The following RPAP2 variants were observed in gnomAD, a reference collection of about 807,000 sequenced individuals.
The protein encoded by RPAP2 is putative RNA polymerase II subunit B1 CTD phosphatase RPAP2.
RPAP2 carries 52 observed loss-of-function variants against 73.1 expected under a neutral mutation model. The ratio of observed to expected loss-of-function variants is 0.71; its 90% CI spans 0.57 to 0.90. RPAP2 has a LOEUF of 0.90. RPAP2 is among the 40% of genes least tolerant of loss of function. The pLI is 0.00. For synonymous variants in RPAP2, 225 were observed against 242.1 expected, an observed-to-expected ratio of 0.93 and a Z score of 0.65; for missense variants, 598 against 701.8, an observed-to-expected ratio of 0.85 and a Z score of 1.67.
chr1:92,400,577 C>G lies in RPAP2; in HGVS notation c.*13566C>G, dbSNP rs1281193235. On this transcript the variant is annotated 3_prime_UTR_variant, in exon 13 of 13. Coordinates refer to ENST00000610020, the MANE Select transcript of RPAP2 (RefSeq NM_024813.3). ...ATGTTACTCCTTGCCTCAAGCAATC[C>G]TCTCACCTTGGCCTCCCAAAGTGCT... The G allele has an allele frequency of 6.6e-6, 1 of 152,212 alleles. No individual in the cohort carries two copies. The highest frequency in any genetic ancestry group is 2.4e-5 in the African/African-American group (1 of 41,448). The allele number at this position is 152,212 out of a possible 1,614,324, so 9.4% of individuals were successfully genotyped here.
chr1:92,322,802 AG>A (rs1437345343), intron 7 of RPAP2, among the ~76,000 whole-genome samples: 4 of 151,080 alleles, frequency 2.6e-5, no homozygotes, highest in Admixed American at 6.6e-5. Context: ...GCTTGAACCT[AG>A]GGGGCAGAGG....
At chr1:92,347,145 A>T (rs1653944823) in intron 11 of RPAP2, among the ~76,000 whole-genome samples, 2 of 152,242 alleles carry the variant, frequency 1.3e-5, no homozygotes, top group Admixed American at 1.3e-4. Context: ...CAGAACATAG[A>T]AAATAACTTT....
intron 8 of RPAP2, among the ~76,000 whole-genome samples, chr1:92,325,412 C>T (rs972992555): frequency 3.0e-4 from 45 of 152,036 alleles, no homozygotes; most frequent in African/African-American, 1.0e-3. Context: ...AGACATCATC[C>T]AAAACTTATA....
intron 11 of RPAP2, among the ~76,000 whole-genome samples, chr1:92,377,867 T>C (rs531516319): frequency 6.6e-6 from 1 of 152,348 alleles, no homozygotes; most frequent in Non-Finnish European, 1.5e-5. Context: ...CATTTTAGCC[T>C]TACAAGTTTT....
At chr1:92,378,172 T>G (rs1655471112) in intron 11 of RPAP2, among the ~76,000 whole-genome samples, 1 of 151,924 alleles carries the variant, frequency 6.6e-6, no homozygotes, top group African/African-American at 2.4e-5. Flanking sequence ...GTCAAATAAG[T>G]ACCACTTTAT....
chr1:92,331,876 C>T (rs945433203), intron 8 of RPAP2, among the ~76,000 whole-genome samples: 5 of 152,072 alleles, frequency 3.3e-5, no homozygotes, highest in African/African-American at 1.2e-4. Context: ...TTTACTTTCA[C>T]TTTTGAAAGA....
At position 92,299,255 on chromosome 1, in the gene RPAP2, G is replaced by A. The variant is rs1030948024; in HGVS notation, c.73+109G>A. 2.5e-5 allele frequency: 14 copies of A among 557,342 alleles called. No individual in the cohort carries two copies. The East Asian group carries it at 4.5e-4, about 18-fold the overall frequency. The allele number at this position is 557,342 out of a possible 1,614,324, so 34.5% of individuals were successfully genotyped here. A position where few individuals can be genotyped will look rare whatever the true frequency, so the allele number is the denominator to read the frequency against. On this transcript the variant is annotated intron_variant, in intron 1 of 12. Coordinates refer to ENST00000610020, the MANE Select transcript of RPAP2 (RefSeq NM_024813.3). ...CCTGAAAGGCTGCTTCAGGGGAGGG[G>A]TTCTCCCAGGTAGAGTAGGCCGAAA...
At chr1:92,378,726 C>T (rs372200118) in intron 11 of RPAP2, among the ~76,000 whole-genome samples, 3 of 152,176 alleles carry the variant, frequency 2.0e-5, no homozygotes, top group Non-Finnish European at 4.4e-5. Flanking sequence ...ATCTTCTCTA[C>T]AGGAAAATGC....
At chr1:92,354,890 A>T (rs537387215) in intron 11 of RPAP2, among the ~76,000 whole-genome samples, 5 of 147,682 alleles carry the variant, frequency 3.4e-5, no homozygotes, top group African/African-American at 1.2e-4. Context: ...AATTTATGTA[A>T]ATTATTATTA....
chr1:92,299,581 G>A (rs1166714254), intron 1 of RPAP2, among the ~76,000 whole-genome samples: 2 of 152,300 alleles, frequency 1.3e-5, no homozygotes, highest in East Asian at 1.9e-4. Context: ...CAGACGGAGA[G>A]AGGTTTCCCC....
chr1:92,326,371 G>GC (rs1652628607), intron 8 of RPAP2, among the ~76,000 whole-genome samples: 1 of 152,158 alleles, frequency 6.6e-6, no homozygotes, highest in African/African-American at 2.4e-5. Context: ...ATGGCAGGGG[G>GC]GTGAAATGGA....
At chr1:92,365,537 T>A (rs1654899732) in intron 11 of RPAP2, among the ~76,000 whole-genome samples, 1 of 152,188 alleles carries the variant, frequency 6.6e-6, no homozygotes, top group African/African-American at 2.4e-5. Context: ...TAGTGCACAT[T>A]GGTGTGCTAA....
rs916027564 is a variant in RPAP2 at position 92,388,036 on chromosome 1, C to G, written c.*1025C>G. On this transcript the variant is annotated 3_prime_UTR_variant, in exon 13 of 13. Coordinates refer to ENST00000610020, the MANE Select transcript of RPAP2 (RefSeq NM_024813.3). ...CTCATTTGATTGTGTAAGGGTCTAA[C>G]CACAACAAAAAATCATAGTGTAATA... 8.6e-5 allele frequency: 13 copies of G among 151,994 alleles called. No homozygotes were observed. Among genetic ancestry groups the G allele is most frequent in the Admixed American group, 8.5e-4 (13 of 15,242 alleles). 9.4% of individuals were successfully genotyped at this position (151,994 alleles called of 1,614,324 possible). A position where few individuals can be genotyped will look rare whatever the true frequency, so the allele number is the denominator to read the frequency against.
At chr1:92,348,972 T>C (rs370469318) in intron 11 of RPAP2, among the ~76,000 whole-genome samples, 1 of 86,578 alleles carries the variant, frequency 1.2e-5, no homozygotes, top group African/African-American at 2.8e-5. Flanking sequence ...CATGCACATA[T>C]AAAGAGAAAG....
chr1:92,368,990 T>C (rs1655040173), intron 11 of RPAP2, among the ~76,000 whole-genome samples: 1 of 152,254 alleles, frequency 6.6e-6, no homozygotes, highest in South Asian at 2.1e-4. Flanking sequence ...ATTTATACAT[T>C]GTAAGTTTTT....
chr1:92,342,711 C>T (rs750430559), intron 10 of RPAP2, among the ~76,000 whole-genome samples: 7 of 151,988 alleles, frequency 4.6e-5, no homozygotes, highest in Non-Finnish European at 7.4e-5. Flanking sequence ...TGATCAGATC[C>T]TATTTTGAAG....
intron 8 of RPAP2, among the ~76,000 whole-genome samples, chr1:92,332,067 A>C (rs1652999374): frequency 6.6e-6 from 1 of 150,698 alleles, no homozygotes; most frequent in Non-Finnish European, 1.5e-5. Context: ...GTTCCCAGTT[A>C]TCTCTTAGAT....
chr1:92,324,921 G>A (rs914176442), intron 8 of RPAP2, among the ~76,000 whole-genome samples: 2 of 152,168 alleles, frequency 1.3e-5, no homozygotes, highest in Admixed American at 6.5e-5. Flanking sequence ...CATCTGTTGT[G>A]TCATTTACTA....
At chr1:92,348,565 T>A (rs749270562) in intron 11 of RPAP2, among the ~76,000 whole-genome samples, 1 of 152,234 alleles carries the variant, frequency 6.6e-6, no homozygotes, top group African/African-American at 2.4e-5. Context: ...TTCTAAGACT[T>A]CTGTCTCCTG....
Sources: gnomAD v4.1 joint callset for allele counts (sites outside exome capture counted in the v4.1 genomes callset) on GRCh38, gnomAD v4.1.1 for gene constraint, MANE v1.5 for transcripts, NCBI Gene and HGNC (gene_info 2026-07-23, HGNC 2026-07-21) for gene names.